Variants in SCFD2 observed in about 807,000 individuals in gnomAD.
SCFD2 encodes sec1 family domain-containing protein 2.
In SCFD2, 54 loss-of-function variants were observed where a neutral mutation model predicts 58.9. That is an observed-to-expected ratio of 0.92 (90% CI 0.74 to 1.15). The LOEUF is 1.15. SCFD2 is among the 50% of genes most tolerant of loss of function. The probability of loss-of-function intolerance (pLI) is 0.00; values close to 1 mark genes in which losing one functional copy is unlikely to be tolerated. For synonymous variants in SCFD2, 321 were observed against 335.9 expected, an observed-to-expected ratio of 0.96 and a Z score of 0.49; for missense variants, 805 against 836.6, an observed-to-expected ratio of 0.96 and a Z score of 0.47.
intron 5 of SCFD2, among the ~76,000 whole-genome samples, chr4:52,970,213 G>T (rs1172188679): frequency 2.6e-5 from 4 of 152,178 alleles, no homozygotes; most frequent in Admixed American, 2.0e-4. Context: ...CCAAAGCAGG[G>T]CGAGGCATCG....
At chr4:53,212,719 G>A (rs1179427970) in intron 4 of SCFD2, among the ~76,000 whole-genome samples, 2 of 151,348 alleles carry the variant, frequency 1.3e-5, no homozygotes, top group Non-Finnish European at 3.0e-5. Flanking sequence ...AAATTTTAGA[G>A]TAGTTGTTTT....
At chr4:53,087,954 C>T (rs12506298) in intron 5 of SCFD2, among the ~76,000 whole-genome samples, 51,983 of 151,936 alleles carry the variant, frequency 0.34, 10,270 homozygotes, top group Non-Finnish European at 0.42. Flanking sequence ...CCACCATGCC[C>T]GGCCCCAAAA....
chr4:53,311,041 A>C (rs1732673833), intron 3 of SCFD2, among the ~76,000 whole-genome samples: 1 of 152,224 alleles, frequency 6.6e-6, no homozygotes, highest in Non-Finnish European at 1.5e-5. Flanking sequence ...TATGATAGAC[A>C]GTTTTCAAAA....
chr4:52,994,974 G>C (rs1721709587), intron 5 of SCFD2, among the ~76,000 whole-genome samples: 2 of 152,170 alleles, frequency 1.3e-5, no homozygotes, highest in African/African-American at 4.8e-5. Context: ...AAAGCAAACT[G>C]ATACCACAGA....
Position 53,259,759 on chromosome 4 carries a change from T to C in SCFD2, c.1311+14067A>G, listed in dbSNP as rs1960317. ...GTTTTTCTAGTTCTGTGAAGAATGA[T>C]AGTGGTATTTTGACAGAAATTGCAC... On this transcript the variant is annotated intron_variant, in intron 4 of 8. Coordinates refer to ENST00000401642, the MANE Select transcript of SCFD2 (RefSeq NM_152540.4). 5.5e-3 allele frequency among the ~76,000 whole-genome samples: 842 copies of C among 152,276 alleles called. 5 individuals are homozygous for C. Among genetic ancestry groups the C allele is most frequent in the African/African-American group, 0.019 (793 of 41,572 alleles).
At chr4:53,351,561 G>A (rs1164772394) in intron 2 of SCFD2, among the ~76,000 whole-genome samples, 1 of 152,076 alleles carries the variant, frequency 6.6e-6, no homozygotes, top group Non-Finnish European at 1.5e-5. Flanking sequence ...CTAGAGTAAG[G>A]CTCACAGTTA....
At chr4:53,153,330 C>T (rs756938611) in intron 4 of SCFD2, among the ~76,000 whole-genome samples, 11 of 152,232 alleles carry the variant, frequency 7.2e-5, no homozygotes, top group South Asian at 2.1e-4. Flanking sequence ...ATGCACTCTG[C>T]GTGCCTACAG....
chr4:53,175,188 T>C (rs1727292305), intron 4 of SCFD2, among the ~76,000 whole-genome samples: 1 of 152,178 alleles, frequency 6.6e-6, no homozygotes, highest in Admixed American at 6.5e-5. Context: ...GTTAATAACT[T>C]CTCTAAATTA....
chr4:53,110,742 G>A (rs1019303519), intron 5 of SCFD2, among the ~76,000 whole-genome samples: 1 of 152,188 alleles, frequency 6.6e-6, no homozygotes, highest in Non-Finnish European at 1.5e-5. Flanking sequence ...GTTTGTGGGA[G>A]TGTAAATTAG....
chr4:53,012,285 G>A (rs1722111200), intron 5 of SCFD2, among the ~76,000 whole-genome samples: 1 of 151,998 alleles, frequency 6.6e-6, no homozygotes, highest in African/African-American at 2.4e-5. Context: ...TGGCTTACAA[G>A]TCACAGAGGG....
At chr4:53,031,165 T>C (rs1722606903) in intron 5 of SCFD2, among the ~76,000 whole-genome samples, 1 of 151,704 alleles carries the variant, frequency 6.6e-6, no homozygotes, top group African/African-American at 2.4e-5. Context: ...TCCAACAAAC[T>C]CCAGCAGACT....
rs187594511 is a variant in SCFD2, at chr4:53,244,167, G to C, written c.1311+29659C>G. Among the ~76,000 whole-genome samples, 180 of 151,984 alleles carry C rather than the reference G, an allele frequency of 1.2e-3. 1 individual carries two copies. The highest frequency in any genetic ancestry group is 4.2e-3 in the African/African-American group (173 of 41,518). On this transcript the variant is annotated intron_variant, in intron 4 of 8. Coordinates refer to ENST00000401642, the MANE Select transcript of SCFD2 (RefSeq NM_152540.4). ...GGGAGACTTCGACACTCCACTGACA[G>C]TATTAGATCATTGAGGCAGGAAATT...
chr4:52,946,163 C>G, intron 5 of SCFD2, among the ~76,000 whole-genome samples: 1 of 152,202 alleles, frequency 6.6e-6, no homozygotes, highest in South Asian at 2.1e-4. Flanking sequence ...TGGCATGGTA[C>G]TAGGGATCTG....
intron 2 of SCFD2, among the ~76,000 whole-genome samples, chr4:53,329,533 T>C (rs1401993375): frequency 8.1e-5 from 12 of 148,620 alleles, no homozygotes; most frequent in East Asian, 2.0e-4. Flanking sequence ...CAGCTGAGGG[T>C]CCTGTCTGTT....
At chr4:53,220,677 T>G (rs573179953) in intron 4 of SCFD2, among the ~76,000 whole-genome samples, 4 of 152,334 alleles carry the variant, frequency 2.6e-5, no homozygotes, top group Non-Finnish European at 5.9e-5. Flanking sequence ...AATAACATCT[T>G]AATATCTGTA....
At chr4:53,280,724 G>A (rs1470725323) in intron 3 of SCFD2, among the ~76,000 whole-genome samples, 1 of 152,038 alleles carries the variant, frequency 6.6e-6, no homozygotes, top group Admixed American at 6.6e-5. Context: ...GAAATCTAAT[G>A]TCAGCATTTC....
chr4:52,976,123 T>G (rs1455094083), intron 5 of SCFD2, among the ~76,000 whole-genome samples: 2 of 152,058 alleles, frequency 1.3e-5, no homozygotes, highest in Non-Finnish European at 2.9e-5. Context: ...TGTATGCATA[T>G]GTAACTAACC....
intron 5 of SCFD2, among the ~76,000 whole-genome samples, chr4:52,973,208 A>C (rs1047470195): frequency 6.6e-6 from 1 of 152,072 alleles, no homozygotes; most frequent in African/African-American, 2.4e-5. Flanking sequence ...AAAACCCTTC[A>C]AAAAAATCAA....
At chr4:53,342,870 A>T (rs1577987765) in intron 2 of SCFD2, among the ~76,000 whole-genome samples, 1 of 152,368 alleles carries the variant, frequency 6.6e-6, no homozygotes, top group East Asian at 1.9e-4. Context: ...TGGGTACATA[A>T]CGAAATGAAG....
Sources: gnomAD v4.1 joint callset for allele counts (sites outside exome capture counted in the v4.1 genomes callset) on GRCh38, gnomAD v4.1.1 for gene constraint, MANE v1.5 for transcripts, NCBI Gene and HGNC (gene_info 2026-07-23, HGNC 2026-07-21) for gene names.